Variants in CELSR1 observed in about 807,000 individuals in gnomAD.
The protein encoded by CELSR1 is adhesion G protein-coupled receptor C1.
In CELSR1, 110 loss-of-function variants were observed where a neutral mutation model predicts 249.1. The observed-to-expected ratio is 0.44, with a 90% CI of 0.38 to 0.52. The LOEUF (loss-of-function observed/expected upper bound fraction) is 0.52. CELSR1 is among the 20% of genes least tolerant of loss of function. The probability of loss-of-function intolerance (pLI) is 0.00; values close to 1 mark genes in which losing one functional copy is unlikely to be tolerated. For synonymous variants in CELSR1, 2,113 were observed against 1,900.0 expected (o/e 1.11, Z -2.92); for missense variants, 4,109 against 4,296.4 (o/e 0.96, Z 1.22).
rs990508263 is a variant in CELSR1, at chr22:46,361,763, T to C, written c.*1460A>G. 10 of 152,246 alleles carry C rather than the reference T, an allele frequency of 6.6e-5. No homozygotes were observed. The highest frequency in any genetic ancestry group is 2.2e-4 in the African/African-American group (9 of 41,466). The allele number at this position is 152,246 out of a possible 1,614,324, so 9.4% of individuals were successfully genotyped here. A position where few individuals can be genotyped will look rare whatever the true frequency, so the allele number is the denominator to read the frequency against. The stretch of plus-strand genomic sequence containing the variant: ...GCATTTTACTTGATTTTCATCCTAT[T>C]TTATGGTTTCTCCTATTTGGAAGCA... On this transcript the variant is annotated 3_prime_UTR_variant, in exon 35 of 35. Coordinates refer to ENST00000674500, the MANE Select transcript of CELSR1 (RefSeq NM_001378328.1).
intron 19 of CELSR1, among the ~76,000 whole-genome samples, chr22:46,386,088 G>T (rs1304405967): frequency 6.6e-6 from 1 of 151,576 alleles, no homozygotes; most frequent in Non-Finnish European, 1.5e-5. Flanking sequence ...TCCTTCCTCA[G>T]CCTCCTGAGT....
Position 46,365,316 on chromosome 22 carries a change from T to G in CELSR1, c.8469A>C (p.Ser2823=). Residue 2823 remains serine (S), a synonymous_variant, in exon 32 of 35, where the codon TCA becomes TCC. Coordinates refer to ENST00000674500, the MANE Select transcript of CELSR1 (RefSeq NM_001378328.1). ...CATCGTCCTCGCTGTCTGACGAGTG[T>G]GAGGAGGCGTAAGAGCTGCTCTGCT... is the stretch of plus-strand genomic sequence containing the variant. ...LDEQSSSYAS[S]HSSDSEDDGV... The G allele has an allele frequency of 1.2e-6, 2 of 1,612,954 alleles. No homozygotes were observed. The highest frequency in any genetic ancestry group is 1.7e-6 in the Non-Finnish European group (2 of 1,179,942).
At position 46,380,034 on chromosome 22, in the gene CELSR1, C is replaced by A. The variant is rs906489081; in HGVS notation, c.7256+754G>T. Among the ~76,000 whole-genome samples the A allele has an allele frequency of 3.3e-5, 5 of 152,228 alleles. No individual in the cohort carries two copies. Among genetic ancestry groups the A allele is most frequent in the African/African-American group, 1.2e-4 (5 of 41,458 alleles). ...GATAGAGCAACTCAAATGTCCACACCTCACGTGAACTCTGCAGCTAAAAAG... is the reference window on the plus strand; with the variant it reads ...GATAGAGCAACTCAAATGTCCACACATCACGTGAACTCTGCAGCTAAAAAG... On this transcript the variant is annotated intron_variant, in intron 22 of 34. Coordinates refer to ENST00000674500, the MANE Select transcript of CELSR1 (RefSeq NM_001378328.1). The surrounding 1 kb of genome is among the most constrained non-coding windows in gnomAD (Gnocchi z 5.1).
At chr22:46,504,946 G>GTGGA (rs2080500595) in intron 1 of CELSR1, among the ~76,000 whole-genome samples, 1 of 152,228 alleles carries the variant, frequency 6.6e-6, no homozygotes, top group South Asian at 2.1e-4. Context: ...CATCAACACA[G>GTGGA]TGGAAAATGA....
intron 20 of CELSR1, 21 bp downstream of exon 20, chr22:46,384,522 C>T (rs1355826307): frequency 1.3e-6 from 2 of 1,576,194 alleles, no homozygotes; most frequent in Admixed American, 1.9e-5. Context: ...AGGGCAGCAG[C>T]AGGTTTCTAA....
chr22:46,378,514 G>C, intron 23 of CELSR1, 77 bp downstream of exon 23: 1 of 1,491,712 alleles, frequency 6.7e-7, no homozygotes, highest in Non-Finnish European at 9.1e-7. Context: ...GGTTTGGCGG[G>C]GAGGTGCAGG....
Position 46,490,379 on chromosome 22 carries a change from C to T in CELSR1, c.3545-26034G>A, listed in dbSNP as rs777173007. Among the ~76,000 whole-genome samples the T allele has an allele frequency of 2.0e-5, 3 of 152,162 alleles. No individual in the cohort carries two copies. The highest frequency in any genetic ancestry group is 1.9e-4 in the East Asian group (1 of 5,178). On this transcript the variant is annotated intron_variant, in intron 1 of 34. Transcript: ENST00000674500. The surrounding 1 kb of genome is among the most constrained non-coding windows in gnomAD (Gnocchi z 5.2). ...TTGGCTCACTCCAACCTCCGCCTCCCGAGTTCAACCAATTCTTCTCCCTCA... is the reference window on the plus strand; with the variant it reads ...TTGGCTCACTCCAACCTCCGCCTCCTGAGTTCAACCAATTCTTCTCCCTCA...
chr22:46,364,863 A>C (rs1424020387), intron 32 of CELSR1, 127 bp from the exon 33 acceptor site: 3 of 978,130 alleles, frequency 3.1e-6, no homozygotes, highest in Non-Finnish European at 4.4e-6. Context: ...GCTGAACCCT[A>C]AAGGTGGGGA....
At chr22:46,465,505 G>C (rs759219553) in intron 1 of CELSR1, among the ~76,000 whole-genome samples, 7 of 152,188 alleles carry the variant, frequency 4.6e-5, no homozygotes, top group Non-Finnish European at 1.0e-4. Flanking sequence ...GTGAGGAAGT[G>C]TCTGGGCCTT....
intron 24 of CELSR1, among the ~76,000 whole-genome samples, chr22:46,375,764 G>C (rs531167121): frequency 4.6e-5 from 7 of 152,038 alleles, no homozygotes; most frequent in Non-Finnish European, 7.4e-5. Context: ...GGTTGGCCTC[G>C]AACTCCTTGA....
At chr22:46,419,978 T>C (rs2079447206) in intron 5 of CELSR1, among the ~76,000 whole-genome samples, 1 of 150,842 alleles carries the variant, frequency 6.6e-6, no homozygotes, top group Non-Finnish European at 1.5e-5. Flanking sequence ...CACTCACCCT[T>C]ATGTACACTC....
chr22:46,493,133 C>T (rs891158614), intron 1 of CELSR1, among the ~76,000 whole-genome samples: 1 of 152,062 alleles, frequency 6.6e-6, no homozygotes, highest in African/African-American at 2.4e-5. Flanking sequence ...ACTTGTGGTC[C>T]CAGCTACTTG....
rs2079222364 is a variant in CELSR1, at chr22:46,402,786, T to C, written c.5227-2884A>G. ...TAAGGGTCAAACGGCCATGTTTAAG[T>C]ACATGTAAGAAGAATCAGAAAACAA... On this transcript the variant is annotated intron_variant, in intron 9 of 34. Transcript: ENST00000674500. The surrounding 1 kb of genome is among the most constrained non-coding windows in gnomAD (Gnocchi z 5.0). Among the ~76,000 whole-genome samples the C allele has an allele frequency of 6.6e-6, 1 of 152,114 alleles. No individual in the cohort carries two copies. Among genetic ancestry groups the C allele is most frequent in the Non-Finnish European group, 1.5e-5 (1 of 68,020 alleles).
Position 46,428,905 on chromosome 22 carries a change from C to T in CELSR1, c.4611+4488G>A, listed in dbSNP as rs1025345632. ...TGGCCAGGAGACTGTGCTCCAGGCT[C>T]TGGGCAGGCTCAGCTGGCTTTAGAA... On this transcript the variant is annotated intron_variant, in intron 5 of 34. Coordinates refer to ENST00000674500, the MANE Select transcript of CELSR1 (RefSeq NM_001378328.1). This position sits in a 1 kb window ranked among gnomAD's most constrained non-coding sequence, Gnocchi z 5.7. Among the ~76,000 whole-genome samples the T allele has an allele frequency of 4.6e-5, 7 of 152,192 alleles. No homozygotes were observed. Among genetic ancestry groups the T allele is most frequent in the African/African-American group, 1.7e-4 (7 of 41,438 alleles).
intron 24 of CELSR1, among the ~76,000 whole-genome samples, chr22:46,376,272 A>C (rs2078917180): frequency 6.6e-6 from 1 of 152,252 alleles, no homozygotes; most frequent in South Asian, 2.1e-4. Flanking sequence ...TAAAATGTTA[A>C]ACCATCCTTG....
At position 46,536,208 on chromosome 22, in the gene CELSR1, G is replaced by C. The variant is rs773148583; in HGVS notation, c.963C>G (p.Leu321=). The C allele has an allele frequency of 4.3e-6, 7 of 1,612,562 alleles. No individual in the cohort carries two copies. Among genetic ancestry groups the C allele is most frequent in the Admixed American group, 1.7e-5 (1 of 60,012 alleles). The change falls in exon 1 of 35, where the codon CTC becomes CTG. Residue 321 remains leucine (L), a synonymous_variant. Transcript: ENST00000674500. ...TACTGTAGTCCACGGCTTTCACCCT[G>C]AGGACGTGCGTCTCCTTGGTCTCGC... ...LDRETKETHV[L]RVKAVDYSTP... is the part of the protein sequence containing the mutation.
chr22:46,476,595 C>CA (rs35183117), intron 1 of CELSR1, among the ~76,000 whole-genome samples: 72 of 107,784 alleles, frequency 6.7e-4, no homozygotes, highest in East Asian at 1.4e-3. Context: ...GACTCCGTCT[C>CA]AAAAAAAAAA....
At chr22:46,385,655 A>G (rs1185346920) in intron 19 of CELSR1, among the ~76,000 whole-genome samples, 1 of 151,438 alleles carries the variant, frequency 6.6e-6, no homozygotes, top group Non-Finnish European at 1.5e-5. Flanking sequence ...ATGAGGAAAC[A>G]GAGGCCTACC....
chr22:46,439,508 C>G (rs1602138868), intron 2 of CELSR1, 97 bp from the exon 3 acceptor site: 5 of 969,922 alleles, frequency 5.2e-6, no homozygotes, highest in Non-Finnish European at 7.7e-6. Context: ...CCCAGCCACA[C>G]AGTCAGCTGC....
Sources: gnomAD v4.1 joint callset for allele counts (sites outside exome capture counted in the v4.1 genomes callset) on GRCh38, gnomAD v4.1.1 for gene constraint, Gnocchi (gnomAD v3.1) non-coding constraint, MANE v1.5 for transcripts, NCBI Gene and HGNC (gene_info 2026-07-23, HGNC 2026-07-21) for gene names.